Variants in PRR16 observed in about 807,000 individuals in gnomAD.
PRR16 encodes the protein proline rich 16.
In PRR16, 6 loss-of-function variants were observed where a neutral mutation model predicts 18.2. The observed-to-expected ratio is 0.33, with a 90% CI of 0.18 to 0.65. The LOEUF is 0.65. PRR16 is among the 30% of genes least tolerant of loss of function. The pLI is 0.74. For synonymous variants in PRR16, 151 were observed against 147.8 expected (o/e 1.02, Z -0.16); for missense variants, 412 against 376.6 (o/e 1.09, Z -0.78).
intron 1 of PRR16, among the ~76,000 whole-genome samples, chr5:120,480,529 A>G (rs1030791596): frequency 5.3e-5 from 8 of 152,344 alleles, no homozygotes; most frequent in Non-Finnish European, 1.0e-4. Context: ...AGTCATACTT[A>G]GTATACTGAC....
chr5:120,758,603 G>A, the PRR16 span, among the ~76,000 whole-genome samples: 2 of 152,052 alleles, frequency 1.3e-5, no homozygotes, highest in Non-Finnish European at 1.5e-5. Flanking sequence ...ATGACAGTGA[G>A]GGAGTTCTCA....
At chr5:120,508,323 ACTT>A (rs1750711589) in intron 1 of PRR16, among the ~76,000 whole-genome samples, 1 of 152,112 alleles carries the variant, frequency 6.6e-6, no homozygotes, top group Non-Finnish European at 1.5e-5. Context: ...TTGAAATTTG[ACTT>A]CTTGTTATGC....
chr5:120,753,228 A>G, the PRR16 span, among the ~76,000 whole-genome samples: 1 of 152,118 alleles, frequency 6.6e-6, no homozygotes, highest in African/African-American at 2.4e-5. Flanking sequence ...CCAGGAGCGG[A>G]GCGAATAAGA....
chr5:120,503,797 A>C (rs1449626652), intron 1 of PRR16, among the ~76,000 whole-genome samples: 44 of 132,952 alleles, frequency 3.3e-4, no homozygotes, highest in African/African-American at 4.8e-4. Context: ...CGCTCCCCCC[A>C]CCCCACAACA....
At chr5:120,714,756 T>C in the PRR16 span, among the ~76,000 whole-genome samples, 103 of 152,250 alleles carry the variant, frequency 6.8e-4, no homozygotes, top group African/African-American at 2.3e-3. Context: ...CCATCAATGA[T>C]AGACTGGATA....
At chr5:120,733,107 A>G in the PRR16 span, among the ~76,000 whole-genome samples, 1 of 152,174 alleles carries the variant, frequency 6.6e-6, no homozygotes. Context: ...GTATTCTAGT[A>G]TTCTAATAAT....
intron 1 of PRR16, among the ~76,000 whole-genome samples, chr5:120,664,571 A>C (rs1262984893): frequency 6.6e-6 from 1 of 151,732 alleles, no homozygotes; most frequent in Non-Finnish European, 1.5e-5. Context: ...CTCGTCATTT[A>C]GCATTAGGTA....
At chr5:120,694,286 T>C in the PRR16 span, among the ~76,000 whole-genome samples, 1 of 152,228 alleles carries the variant, frequency 6.6e-6, no homozygotes, top group East Asian at 1.9e-4. Context: ...TAGTTTATAT[T>C]ATCAGGTAAG....
At chr5:120,509,254 C>T (rs1442868641) in intron 1 of PRR16, among the ~76,000 whole-genome samples, 1 of 152,094 alleles carries the variant, frequency 6.6e-6, no homozygotes, top group African/African-American at 2.4e-5. Context: ...ATGGTGTAAT[C>T]ATACATCTGT....
chr5:120,667,170 T>C (rs1295816936), intron 1 of PRR16, among the ~76,000 whole-genome samples: 2 of 152,036 alleles, frequency 1.3e-5, no homozygotes, highest in Non-Finnish European at 2.9e-5. Flanking sequence ...ATTCAACTTC[T>C]TCCTGGTTTA....
chr5:120,591,921 G>C (rs1199962567), intron 1 of PRR16, among the ~76,000 whole-genome samples: 1 of 152,112 alleles, frequency 6.6e-6, no homozygotes, highest in Non-Finnish European at 1.5e-5. Flanking sequence ...TTCTTGAAGA[G>C]ACATGCTGAA....
At chr5:120,729,689 C>A in the PRR16 span, among the ~76,000 whole-genome samples, 1 of 152,112 alleles carries the variant, frequency 6.6e-6, no homozygotes, top group Non-Finnish European at 1.5e-5. Context: ...AGTCTTAAAA[C>A]TGGATAGTAT....
intron 1 of PRR16, among the ~76,000 whole-genome samples, chr5:120,664,255 C>T (rs1756280387): frequency 6.6e-6 from 1 of 151,784 alleles, no homozygotes; most frequent in South Asian, 2.1e-4. Context: ...GCTGAGATCG[C>T]ACCATTGCAC....
intron 1 of PRR16, among the ~76,000 whole-genome samples, chr5:120,525,875 T>A (rs1751329852): frequency 6.6e-6 from 1 of 152,144 alleles, no homozygotes; most frequent in African/African-American, 2.4e-5. Context: ...TTGATTATGA[T>A]TATTAGGCAA....
chr5:120,504,417 GGAGC>G (rs1750572756), intron 1 of PRR16, among the ~76,000 whole-genome samples: 1 of 152,148 alleles, frequency 6.6e-6, no homozygotes, highest in Admixed American at 6.6e-5. Flanking sequence ...TCTTAAACAT[GGAGC>G]TGATAATTTA....
intron 1 of PRR16, among the ~76,000 whole-genome samples, chr5:120,671,610 T>C (rs1373024930): frequency 6.6e-6 from 1 of 152,204 alleles, no homozygotes; most frequent in East Asian, 1.9e-4. Flanking sequence ...AAATTTGCCT[T>C]CCTTTGCATT....
At chr5:120,696,685 G>C in the PRR16 span, among the ~76,000 whole-genome samples, 9 of 152,092 alleles carry the variant, frequency 5.9e-5, no homozygotes, top group Non-Finnish European at 1.2e-4. Flanking sequence ...CTGAATCTTG[G>C]TTCTGAAGAG....
the PRR16 span, among the ~76,000 whole-genome samples, chr5:120,751,782 G>A: frequency 2.0e-5 from 3 of 151,984 alleles, no homozygotes; most frequent in African/African-American, 7.2e-5. Flanking sequence ...TCACTATCAG[G>A]ACATCTTTGT....
intron 1 of PRR16, among the ~76,000 whole-genome samples, chr5:120,593,357 A>G (rs1753699590): frequency 6.6e-6 from 1 of 152,074 alleles, no homozygotes; most frequent in Admixed American, 6.6e-5. Context: ...TAATCACTAG[A>G]GACTACTAGG....
Sources: allele counts gnomAD v4.1 joint callset (sites outside exome capture counted in the v4.1 genomes callset), GRCh38; gene constraint gnomAD v4.1.1; transcripts MANE v1.5; gene names NCBI Gene and HGNC (gene_info 2026-07-23, HGNC 2026-07-21).